The following ABCC9 variants were observed in gnomAD, a reference collection of about 807,000 sequenced individuals.
ABCC9 encodes the protein ATP-binding cassette sub-family C member 9.
Under a neutral mutation model 188.3 loss-of-function variants are expected in ABCC9, and 95 were observed. The observed-to-expected ratio is 0.50, with a 90% CI of 0.43 to 0.60. The LOEUF (loss-of-function observed/expected upper bound fraction) is 0.60. Ranked by LOEUF, ABCC9 falls within the 20% of genes least tolerant of loss-of-function variation. The pLI, the probability that ABCC9 is intolerant of heterozygous loss-of-function variation, is 0.00. For synonymous variants in ABCC9, 659 were observed against 652.7 expected, an observed-to-expected ratio of 1.01 and a Z score of -0.15; for missense variants, 1,102 against 1,876.3, an observed-to-expected ratio of 0.59 and a Z score of 7.62.
At chr12:21,888,542 G>T (rs577667243) in intron 14 of ABCC9, among the ~76,000 whole-genome samples, 1 of 152,130 alleles carries the variant, frequency 6.6e-6, no homozygotes, top group African/African-American at 2.4e-5. Context: ...CATCAACTGG[G>T]AGTTTATTAA....
chr12:21,938,240 A>G (rs1160212199), intron 2 of ABCC9, among the ~76,000 whole-genome samples: 1 of 152,122 alleles, frequency 6.6e-6, no homozygotes, highest in Non-Finnish European at 1.5e-5. Flanking sequence ...CCTCTCACAT[A>G]TTGTTCCTGA....
rs1374086315 is a variant in ABCC9, at chr12:21,799,742, A to C, written c.*1302T>G. On this transcript the variant is annotated 3_prime_UTR_variant, in exon 40 of 40. Coordinates refer to ENST00000261200, the MANE Select transcript of ABCC9 (RefSeq NM_020297.4). Reference sequence around the variant, plus strand: ...CAATTTTATATATCTTCACAATCTTACAATGCATGTGGATCTTCATATGAA... The same window carrying C: ...CAATTTTATATATCTTCACAATCTTCCAATGCATGTGGATCTTCATATGAA... 10 of 152,308 alleles carry C rather than the reference A, an allele frequency of 6.6e-5. No homozygotes were observed. Among genetic ancestry groups the C allele is most frequent in the African/African-American group, 2.4e-4 (10 of 41,586 alleles). The allele number at this position is 152,308 out of a possible 1,614,324, so 9.4% of individuals were successfully genotyped here.
intron 15 of ABCC9, among the ~76,000 whole-genome samples, chr12:21,887,041 G>C (rs1946909892): frequency 6.6e-6 from 1 of 151,922 alleles, no homozygotes. Context: ...ATCAATTCCT[G>C]CCTCAAGAAA....
rs1198732665 is a variant in ABCC9, at chr12:21,864,443, T to C, written c.2233A>G (p.Arg745Gly). The C allele has an allele frequency of 1.9e-6, 3 of 1,585,364 alleles. No homozygotes were observed. ...AGGTTAAAATAGAAATAATACCTTC[T>C]GGTTGCTTCAAAAGAAGGCTCAGAT... ...NESEPSFEAT[R>G]SRNRYSVAYA... is the part of the protein sequence containing the mutation. The change falls in exon 19 of 40, where the codon AGA (arginine) becomes GGA (glycine). Residue 745 changes from arginine to glycine, a missense_variant. Around this residue, in one of 12 missense-constraint regions of ABCC9, gnomAD observed 258 missense variants for 325.6 expected, o/e 0.79. Coordinates refer to ENST00000261200, the MANE Select transcript of ABCC9 (RefSeq NM_020297.4).
rs1948293684 is a variant in ABCC9 at position 21,910,904 on chromosome 12, A to G, written c.1086T>C (p.Leu362=). 1 of 1,612,534 alleles carries G rather than the reference A, an allele frequency of 6.2e-7. No homozygotes were observed. The highest frequency in any genetic ancestry group is 1.7e-5 in the Admixed American group (1 of 59,874). Residue 362 remains leucine (L), a synonymous_variant, in exon 9 of 40, where the codon CTT becomes CTC. Transcript: ENST00000261200. ...YVLAVLLFLA[L]ILQRTFLQAS... ...CCTGCAAAAATGTCCTTTGCAGAAT[A>G]AGAGCCAAGAAGAGAAGAACTGCTA...
intron 20 of ABCC9, 74 bp downstream of exon 20, chr12:21,862,879 C>A (rs1945590119): frequency 1.0e-6 from 1 of 979,592 alleles, no homozygotes; most frequent in Non-Finnish European, 1.6e-6. Flanking sequence ...TTCCAGAAAC[C>A]ATTGTTCATT....
chr12:21,904,609 G>A (rs1470511486), intron 12 of ABCC9, among the ~76,000 whole-genome samples: 1 of 152,158 alleles, frequency 6.6e-6, no homozygotes, highest in Non-Finnish European at 1.5e-5. Context: ...CCATCAAAAA[G>A]TGGGCAAAGG....
chr12:21,858,420 A>T lies in ABCC9; in HGVS notation c.2505+1166T>A, dbSNP rs185914417. ...GAAACCCAGTCTCTACTAAAAATAAAAAAAAAAAAATAGCCAAGTATGGTG... is the reference window on the plus strand; with the variant it reads ...GAAACCCAGTCTCTACTAAAAATAATAAAAAAAAAATAGCCAAGTATGGTG... On this transcript the variant is annotated intron_variant, in intron 22 of 39. Transcript: ENST00000261200. Among the ~76,000 whole-genome samples, 49 of 151,882 alleles carry T rather than the reference A, an allele frequency of 3.2e-4. 1 individual carries two copies. The highest frequency in any genetic ancestry group is 2.1e-3 in the South Asian group (10 of 4,806).
At chr12:21,890,465 C>T (rs969119602) in intron 14 of ABCC9, among the ~76,000 whole-genome samples, 1 of 152,108 alleles carries the variant, frequency 6.6e-6, no homozygotes, top group African/African-American at 2.4e-5. Context: ...TATACTGCTC[C>T]TGCTGTTAAA....
chr12:21,882,832 G>C lies in ABCC9; in HGVS notation c.1953C>G (p.His651Gln), dbSNP rs1946687089. ...TINRKQPGRY[H>Q]LDSYEQSTRR... Reference sequence around the variant, plus strand: ...GTGTTGATTGCTCATAGCTGTCCAGGTGATATCTTCCAGGCTGTTTCCTGT... The same window carrying C: ...GTGTTGATTGCTCATAGCTGTCCAGCTGATATCTTCCAGGCTGTTTCCTGT... Residue 651 changes from histidine (H) to glutamine (Q), a missense_variant, in exon 16 of 40, where the codon CAC (histidine) becomes CAG (glutamine). Physicochemically the swap from His to Gln is conservative, Grantham distance 24. Transcript: ENST00000261200. 6.2e-7 allele frequency: 1 copy of C among 1,614,004 alleles called. No homozygotes were observed. Among genetic ancestry groups the C allele is most frequent in the East Asian group, 2.2e-5 (1 of 44,864 alleles).
Position 21,941,331 on chromosome 12 carries a change from G to C in ABCC9, c.-268C>G, listed in dbSNP as rs1949673792. The C allele has an allele frequency of 6.6e-6, 1 of 152,380 alleles. No homozygotes were observed. Among genetic ancestry groups the C allele is most frequent in the African/African-American group, 2.4e-5 (1 of 41,488 alleles). The allele number at this position is 152,380 out of a possible 1,614,324, so 9.4% of individuals were successfully genotyped here. A position where few individuals can be genotyped will look rare whatever the true frequency, so the allele number is the denominator to read the frequency against. On this transcript the variant is annotated 5_prime_UTR_variant, in exon 1 of 40. Transcript: ENST00000261200. This position sits in a 1 kb window ranked among gnomAD's most constrained non-coding sequence, Gnocchi z 5.4. ...GCACAGACTGCTCTGGGCCGGGGCA[G>C]ACACCGCGGCTGAGAAGCAGGAAAC...
intron 4 of ABCC9, among the ~76,000 whole-genome samples, chr12:21,928,339 G>GGAAT (rs1259935175): frequency 7.6e-6 from 1 of 132,288 alleles, no homozygotes; most frequent in African/African-American, 2.9e-5. Context: ...AAGGAAGGAA[G>GGAAT]GGAAGAAAAA....
intron 24 of ABCC9, among the ~76,000 whole-genome samples, chr12:21,850,620 C>T: frequency 6.6e-6 from 1 of 152,202 alleles, no homozygotes; most frequent in Non-Finnish European, 1.5e-5. Flanking sequence ...GGACTTTCTT[C>T]CTGGCTTGCT....
intron 16 of ABCC9, among the ~76,000 whole-genome samples, chr12:21,878,753 C>T (rs1198404367): frequency 7.2e-6 from 1 of 138,800 alleles, no homozygotes; most frequent in Non-Finnish European, 1.7e-5. Flanking sequence ...TGCAATGTCA[C>T]CTTCTGATTT....
chr12:21,896,079 CTT>C (rs5796933), intron 12 of ABCC9, among the ~76,000 whole-genome samples: 86,038 of 128,086 alleles, frequency 0.67, 28,690 homozygotes, highest in Non-Finnish European at 0.76. Flanking sequence ...ATCTAATTTT[CTT>C]TTTTTTTTTT....
intron 31 of ABCC9, among the ~76,000 whole-genome samples, chr12:21,819,117 C>T (rs776686032): frequency 2.0e-5 from 3 of 152,096 alleles, no homozygotes; most frequent in Non-Finnish European, 4.4e-5. Flanking sequence ...TTTCCTAACG[C>T]TTTCTTTTTA....
chr12:21,901,788 C>T (rs1055666010), intron 12 of ABCC9, among the ~76,000 whole-genome samples: 1 of 151,996 alleles, frequency 6.6e-6, no homozygotes, highest in Admixed American at 6.6e-5. Flanking sequence ...ATACAGGAGC[C>T]CCCAGATTCA....
intron 29 of ABCC9, among the ~76,000 whole-genome samples, chr12:21,839,169 A>T (rs1220562374): frequency 1.3e-5 from 2 of 152,252 alleles, no homozygotes; most frequent in African/African-American, 4.8e-5. Context: ...TTTTAAAAAA[A>T]TGTTCAGAAT....
intron 15 of ABCC9, among the ~76,000 whole-genome samples, chr12:21,885,023 C>T (rs973583191): frequency 1.3e-4 from 20 of 152,244 alleles, no homozygotes; most frequent in African/African-American, 4.6e-4. Flanking sequence ...ACTTCATGCC[C>T]TTCACAAAAC....
Sources: allele counts gnomAD v4.1 joint callset (sites outside exome capture counted in the v4.1 genomes callset), GRCh38; gene constraint gnomAD v4.1.1; regional missense constraint gnomAD v4.1.1; non-coding constraint Gnocchi (gnomAD v3.1); transcripts MANE v1.5; gene names NCBI Gene and HGNC (gene_info 2026-07-23, HGNC 2026-07-21).